SPATA13: variants seen among roughly 807,000 people sequenced by gnomAD.
SPATA13 encodes the protein spermatogenesis-associated protein 13.
SPATA13 carries 50 observed loss-of-function variants against 104.0 expected under a neutral mutation model. The ratio of observed to expected loss-of-function variants is 0.48; its 90% confidence interval spans 0.38 to 0.61. SPATA13 has a LOEUF of 0.61. Ranked by LOEUF, SPATA13 falls within the 20% of genes least tolerant of loss-of-function variation. The pLI, the probability that SPATA13 is intolerant of heterozygous loss-of-function variation, is 0.00. For missense variants in SPATA13, 1,524 were observed against 1,690.6 expected, an observed-to-expected ratio of 0.90 and a Z score of 1.73; for synonymous variants, 606 against 667.5, an observed-to-expected ratio of 0.91 and a Z score of 1.42.
intron 1 of SPATA13, among the ~76,000 whole-genome samples, chr13:24,198,536 G>A (rs185814858): frequency 3.9e-5 from 6 of 152,258 alleles, no homozygotes; most frequent in East Asian, 3.9e-4. Context: ...CCACAGAGGC[G>A]TTGTTGAGTT....
chr13:24,050,330 C>T (rs1570889), intron 3 of SPATA13, among the ~76,000 whole-genome samples: 8,013 of 152,286 alleles, frequency 0.053, 287 homozygotes, highest in South Asian at 0.11. Flanking sequence ...TCCTTGAAAT[C>T]TGATAATGCT....
At chr13:24,178,630 G>C (rs1868594772) in intron 1 of SPATA13, among the ~76,000 whole-genome samples, 1 of 152,086 alleles carries the variant, frequency 6.6e-6, no homozygotes. Flanking sequence ...GAACCAAGTA[G>C]ACCCAGTCTA....
intron 2 of SPATA13, among the ~76,000 whole-genome samples, chr13:23,992,511 T>C (rs1206303142): frequency 6.6e-6 from 1 of 152,118 alleles, no homozygotes; most frequent in Non-Finnish European, 1.5e-5. Flanking sequence ...TCTTCAGGGA[T>C]CTAGGCTAAT....
chr13:24,261,790 T>C (rs1441963122), intron 4 of SPATA13, among the ~76,000 whole-genome samples: 1 of 150,114 alleles, frequency 6.7e-6, no homozygotes, highest in African/African-American at 2.4e-5. Context: ...AAAAAACCGG[T>C]TTCAGTTCAG....
rs145309991 is a variant in SPATA13 at position 24,251,765 on chromosome 13, G to A, written c.2067G>A (p.Lys689=). ...PMPAHQVPPY[K]AVSARFRPFT... ...CTGCTCACCAGGTGCCACCCTACAA[G>A]GCTGTGTCGGCCCGGTTCCGGCCCT... Residue 689 remains lysine, a synonymous_variant, in exon 4 of 13, where the codon AAG becomes AAA. Transcript: ENST00000382108. The A allele has an allele frequency of 6.2e-7, 1 of 1,614,060 alleles. No homozygotes were observed. The highest frequency in any genetic ancestry group is 1.3e-5 in the African/African-American group (1 of 74,924).
At chr13:23,997,916 T>C (rs1404121640) in intron 2 of SPATA13, among the ~76,000 whole-genome samples, 1 of 152,062 alleles carries the variant, frequency 6.6e-6, no homozygotes. Context: ...TGAATATCAG[T>C]CTTGGAGGGG....
At chr13:24,091,640 G>A (rs552887542) in intron 3 of SPATA13, among the ~76,000 whole-genome samples, 161 of 152,240 alleles carry the variant, frequency 1.1e-3, no homozygotes, top group Non-Finnish European at 1.9e-3. Context: ...GTGAAACCTC[G>A]TTTCTACTAA....
chr13:24,209,417 A>G lies in SPATA13; in HGVS notation c.-111-13402A>G, dbSNP rs17080418. Among the ~76,000 whole-genome samples the G allele has an allele frequency of 3.8e-3, 580 of 152,340 alleles. 20 individuals are homozygous for G. In the East Asian group the frequency reaches 0.087, roughly 23 times the overall value. ...AGAGATGAAAAGACAGCTCTTGCCAAGGTTATTTGATGAAATAAAAGGAGG... is the reference window on the plus strand; with the variant it reads ...AGAGATGAAAAGACAGCTCTTGCCAGGGTTATTTGATGAAATAAAAGGAGG... On this transcript the variant is annotated intron_variant, in intron 1 of 12. Coordinates refer to ENST00000382108, the MANE Select transcript of SPATA13 (RefSeq NM_001166271.3).
intron 3 of SPATA13, among the ~76,000 whole-genome samples, chr13:24,050,355 C>T (rs1289653017): frequency 2.6e-5 from 4 of 152,210 alleles, no homozygotes; most frequent in South Asian, 4.1e-4. Flanking sequence ...AGTCAGTTTC[C>T]GGAGCCAAAT....
upstream of SPATA13, among the ~76,000 whole-genome samples, chr13:24,157,382 T>C (rs1213975953): frequency 1.3e-5 from 2 of 152,164 alleles, no homozygotes; most frequent in African/African-American, 2.4e-5. Flanking sequence ...CACTGCAAGC[T>C]CCGCCTCCCG....
chr13:24,054,681 C>T (rs971315952), intron 3 of SPATA13, among the ~76,000 whole-genome samples: 3 of 152,088 alleles, frequency 2.0e-5, no homozygotes, highest in Non-Finnish European at 4.4e-5. Context: ...ATAATAGTAG[C>T]GCACCGTTAA....
chr13:24,302,179 T>C (rs188343615), intron 12 of SPATA13, among the ~76,000 whole-genome samples: 6 of 152,270 alleles, frequency 3.9e-5, no homozygotes, highest in African/African-American at 1.2e-4. Context: ...CCTTGGAGGC[T>C]TTTTGGGAGA....
intron 4 of SPATA13, among the ~76,000 whole-genome samples, chr13:24,266,662 C>T (rs571697681): frequency 4.0e-4 from 61 of 152,298 alleles, no homozygotes; most frequent in South Asian, 1.7e-3. Flanking sequence ...CTCCTACCTA[C>T]GGATCTGATC....
chr13:24,069,248 C>T (rs1372861048), intron 3 of SPATA13, among the ~76,000 whole-genome samples: 2 of 152,280 alleles, frequency 1.3e-5, no homozygotes, highest in East Asian at 3.9e-4. Flanking sequence ...TTCTTCCCAT[C>T]CATGAGCATG....
intron 1 of SPATA13, among the ~76,000 whole-genome samples, chr13:24,168,531 C>T (rs1300346541): frequency 3.3e-5 from 5 of 152,102 alleles, no homozygotes; most frequent in Admixed American, 3.3e-4. Flanking sequence ...AATCACTAAG[C>T]AAAACTCTAC....
intron 8 of SPATA13, among the ~76,000 whole-genome samples, chr13:24,290,115 G>C (rs897369666): frequency 6.6e-6 from 1 of 152,184 alleles, no homozygotes; most frequent in African/African-American, 2.4e-5. Context: ...AGGAAGGTAA[G>C]TCTCACAGTG....
At chr13:24,269,741 ATTTTTTT>A (rs71070673) in intron 4 of SPATA13, among the ~76,000 whole-genome samples, 51 of 75,930 alleles carry the variant, frequency 6.7e-4, no homozygotes, top group African/African-American at 2.5e-3. Flanking sequence ...GCTAATATAA[ATTTTTTT>A]TTTTTTTTTT....
chr13:24,160,795 C>T lies in SPATA13; in HGVS notation c.-249C>T, dbSNP rs981643398. The T allele has an allele frequency of 1.0e-6, 1 of 985,374 alleles. No homozygotes were observed. The highest frequency in any genetic ancestry group is 1.2e-6 in the Non-Finnish European group (1 of 830,002). The allele number at this position is 985,374 out of a possible 1,614,324, so 61.0% of individuals were successfully genotyped here. On this transcript the variant is annotated 5_prime_UTR_variant, in exon 1 of 13. Transcript: ENST00000382108. ...CGATCGCCCTGCCGGTCGCTAGCTC[C>T]GAGGGCGCGCACTGGATCCCAGGCT...
chr13:24,042,604 C>T (rs1358533158), intron 3 of SPATA13, among the ~76,000 whole-genome samples: 1 of 152,242 alleles, frequency 6.6e-6, no homozygotes, highest in East Asian at 1.9e-4. Flanking sequence ...AGAGCACTGG[C>T]TCATGGGCGG....
Sources: allele counts gnomAD v4.1 joint callset (sites outside exome capture counted in the v4.1 genomes callset), GRCh38; gene constraint gnomAD v4.1.1; transcripts MANE v1.5; gene names NCBI Gene and HGNC (gene_info 2026-07-23, HGNC 2026-07-21).